The following IFNG-AS1 variants were observed in gnomAD, a reference collection of about 807,000 sequenced individuals.
IFNG-AS1 encodes the protein IFNG regulatory antisense RNA 1, also known as IFNG antisense RNA 1 (non-protein coding).
At chr12:68,013,491 C>A (rs933289377) in intron 3 of IFNG-AS1, 3 of 152,180 alleles carry the variant, frequency 2.0e-5, no homozygotes, top group Non-Finnish European at 4.4e-5. Flanking sequence ...GAATTCCTCC[C>A]CTTTAATTTC....
At chr12:68,005,333 C>A (rs999227650) in intron 2 of IFNG-AS1, among the ~76,000 whole-genome samples, 1 of 152,192 alleles carries the variant, frequency 6.6e-6, no homozygotes, top group Admixed American at 6.5e-5. Context: ...GACAGACAAT[C>A]CTGTCTGCTG....
intron 2 of IFNG-AS1, among the ~76,000 whole-genome samples, chr12:67,997,629 TA>T (rs951771362): frequency 5.0e-4 from 73 of 146,534 alleles, no homozygotes; most frequent in African/African-American, 1.1e-3. Flanking sequence ...CAGAGGCAAT[TA>T]AAAAAAAAAG....
chr12:68,019,959 T>A (rs190850026), intron 4 of IFNG-AS1: 32 of 152,170 alleles, frequency 2.1e-4, no homozygotes, highest in African/African-American at 6.5e-4. Flanking sequence ...GAGGGGCCAG[T>A]TGGGAAAGTC....
chr12:68,011,008 G>A (rs1011352199), intron 3 of IFNG-AS1, among the ~76,000 whole-genome samples: 2 of 152,126 alleles, frequency 1.3e-5, no homozygotes, highest in Non-Finnish European at 2.9e-5. Context: ...CTACTATGAG[G>A]TAGGTTTTTA....
chr12:68,008,711 G>A (rs773241960), intron 3 of IFNG-AS1, among the ~76,000 whole-genome samples: 2 of 152,126 alleles, frequency 1.3e-5, no homozygotes, highest in African/African-American at 4.8e-5. Flanking sequence ...ATAGTCATCC[G>A]CATCCACCAA....
chr12:68,002,284 G>C (rs918466286), intron 2 of IFNG-AS1, among the ~76,000 whole-genome samples: 1 of 152,196 alleles, frequency 6.6e-6, no homozygotes, highest in African/African-American at 2.4e-5. Flanking sequence ...GCACACACGT[G>C]CATAGCACAC....
chr12:67,990,341 G>T (rs139537397), intron 1 of IFNG-AS1, among the ~76,000 whole-genome samples: 175 of 152,242 alleles, frequency 1.1e-3, no homozygotes, highest in African/African-American at 4.1e-3. Context: ...TGGTAAAAGG[G>T]CTGCATGGGA....
intron 1 of IFNG-AS1, among the ~76,000 whole-genome samples, chr12:67,990,800 G>A (rs1879491742): frequency 6.6e-6 from 1 of 151,960 alleles, no homozygotes; most frequent in Admixed American, 6.6e-5. Context: ...CCCTATGTTG[G>A]CCAAGCTGGT....
intron 3 of IFNG-AS1, among the ~76,000 whole-genome samples, chr12:68,012,312 C>G (rs1056433323): frequency 6.6e-6 from 1 of 152,156 alleles, no homozygotes; most frequent in Non-Finnish European, 1.5e-5. Flanking sequence ...TCATGCTTTG[C>G]CCCATATGAG....
At chr12:67,997,827 A>C (rs535147236) in intron 2 of IFNG-AS1, among the ~76,000 whole-genome samples, 1 of 152,112 alleles carries the variant, frequency 6.6e-6, no homozygotes, top group Admixed American at 6.5e-5. Context: ...AAAAATATTG[A>C]ACTAGATAAA....
rs561292583 is a variant in IFNG-AS1 at position 68,009,282 on chromosome 12, A to G, written n.241+3136A>G. 5.3e-4 allele frequency among the ~76,000 whole-genome samples: 81 copies of G among 152,334 alleles called. 1 individual carries two copies. The South Asian group carries it at 0.016, about 30-fold the overall frequency. On this transcript the variant is annotated intron_variant and non_coding_transcript_variant, in intron 3 of 5. Coordinates refer to ENST00000536914, the Ensembl canonical transcript of IFNG-AS1. ...CTATTTGAGATAAGAACTCAGATGC[A>G]TCAGTATCAGAATATATATTTTGTC...
intron 1 of IFNG-AS1, among the ~76,000 whole-genome samples, chr12:67,989,892 A>G (rs1879464002): frequency 6.6e-6 from 1 of 152,124 alleles, no homozygotes; most frequent in African/African-American, 2.4e-5. Context: ...GAACATGTAG[A>G]ACATTGATTA....
chr12:68,017,062 T>A (rs938935483), intron 3 of IFNG-AS1, among the ~76,000 whole-genome samples: 1 of 152,098 alleles, frequency 6.6e-6, no homozygotes, highest in Admixed American at 6.5e-5. Flanking sequence ...AGAAGGGACC[T>A]TTTGTCATAG....
At chr12:68,010,651 G>A (rs1880005538) in intron 3 of IFNG-AS1, among the ~76,000 whole-genome samples, 1 of 152,102 alleles carries the variant, frequency 6.6e-6, no homozygotes, top group Non-Finnish European at 1.5e-5. Context: ...ATTAGAGCCT[G>A]GCTCCCCATG....
chr12:68,012,427 A>G (rs999048689), intron 3 of IFNG-AS1, among the ~76,000 whole-genome samples: 3 of 152,214 alleles, frequency 2.0e-5, no homozygotes, highest in Non-Finnish European at 4.4e-5. Context: ...GTTAGCCTCA[A>G]CAAAGAAGGC....
At chr12:68,003,594 A>G (rs930557769) in intron 2 of IFNG-AS1, among the ~76,000 whole-genome samples, 6 of 152,178 alleles carry the variant, frequency 3.9e-5, no homozygotes, top group African/African-American at 1.4e-4. Context: ...CCCAAGCTTC[A>G]ATGCCTCCCT....
chr12:67,994,255 G>C lies in IFNG-AS1; in HGVS notation n.52-1686G>C, dbSNP rs922339182. ...AGAGCCATGGCCCTCAGTAGAGGGAGCTATAACAGAGAATGAGTTAAATGA... is the reference window on the plus strand; with the variant it reads ...AGAGCCATGGCCCTCAGTAGAGGGACCTATAACAGAGAATGAGTTAAATGA... On this transcript the variant is annotated intron_variant and non_coding_transcript_variant, in intron 1 of 5. Coordinates refer to ENST00000536914, the Ensembl canonical transcript of IFNG-AS1. Among the ~76,000 whole-genome samples the C allele has an allele frequency of 1.1e-4, 17 of 152,230 alleles. 1 individual carries two copies. The highest frequency in any genetic ancestry group is 2.4e-4 in the Non-Finnish European group (16 of 68,036).
intron 3 of IFNG-AS1, among the ~76,000 whole-genome samples, chr12:68,014,180 A>G (rs993638636): frequency 5.9e-5 from 9 of 152,138 alleles, no homozygotes; most frequent in African/African-American, 1.9e-4. Flanking sequence ...TTCTTTATCC[A>G]TTTGTTAATG....
chr12:67,991,817 G>C (rs1232408731), intron 1 of IFNG-AS1, among the ~76,000 whole-genome samples: 2 of 152,184 alleles, frequency 1.3e-5, no homozygotes, highest in Non-Finnish European at 2.9e-5. Flanking sequence ...AACAAATTCT[G>C]CCATCTCTTA....
Sources: gnomAD v4.1 joint callset for allele counts (sites outside exome capture counted in the v4.1 genomes callset) on GRCh38, gnomAD v4.1.1 for gene constraint, MANE v1.5 for transcripts, NCBI Gene and HGNC (gene_info 2026-07-23, HGNC 2026-07-21) for gene names.